RALGAPA1: variants seen among roughly 807,000 people sequenced by gnomAD.
RALGAPA1 encodes the protein Ral GTPase activating protein catalytic subunit alpha 1, also known as ral GTPase-activating protein subunit alpha-1.
Under a neutral mutation model 269.6 loss-of-function variants are expected in RALGAPA1, and 52 were observed. The observed-to-expected ratio is 0.19, with a 90% confidence interval of 0.15 to 0.24. The LOEUF (loss-of-function observed/expected upper bound fraction) is 0.24. Among genes scored for constraint, RALGAPA1 ranks in the 10% least tolerant of loss-of-function variants. The probability of loss-of-function intolerance (pLI) is 1.00; values close to 1 mark genes in which losing one functional copy is unlikely to be tolerated. For missense variants in RALGAPA1, 1,917 were observed against 3,013.9 expected, an observed-to-expected ratio of 0.64 and a Z score of 8.52; for synonymous variants, 817 against 1,008.3, an observed-to-expected ratio of 0.81 and a Z score of 3.60.
Position 35,689,964 on chromosome 14 carries a change from A to G in RALGAPA1, c.2447T>C (p.Val816Ala). The G allele has an allele frequency of 6.3e-7, 1 of 1,598,696 alleles. No individual in the cohort carries two copies. The change falls in exon 18 of 42, where the codon GTC (valine) becomes GCC (alanine). Residue 816 changes from valine (V) to alanine (A), a missense_variant. This residue lies in a region of RALGAPA1 where 125 missense variants were observed against 155.7 expected (regional missense o/e 0.80). Transcript: ENST00000680220. ...TTCTTCACTTTGTGAAAAATGTCTG[A>G]CTCTAGTTGAGCGGGGAAGTATTTG... ...DAQILPRSTR[V>A]RHFSQSEETG...
chr14:35,733,043 G>A (rs72642585), intron 12 of RALGAPA1, among the ~76,000 whole-genome samples: 17,003 of 152,000 alleles, frequency 0.11, 1,570 homozygotes, highest in East Asian at 0.38. Flanking sequence ...AAATTATATC[G>A]AAGCACTCTC....
intron 26 of RALGAPA1, among the ~76,000 whole-genome samples, chr14:35,668,121 T>G (rs2064099290): frequency 1.3e-5 from 2 of 152,142 alleles, no homozygotes; most frequent in Non-Finnish European, 1.5e-5. Context: ...GATAATAGAT[T>G]GGTGGTTACC....
chr14:35,809,033 C>G lies in RALGAPA1; in HGVS notation c.-198G>C, dbSNP rs2077568186. 4 of 1,009,056 alleles carry G rather than the reference C, an allele frequency of 4.0e-6. No homozygotes were observed. The highest frequency in any genetic ancestry group is 5.6e-6 in the Non-Finnish European group (4 of 717,422). The allele number at this position is 1,009,056 out of a possible 1,614,324, so 62.5% of individuals were successfully genotyped here. On this transcript the variant is annotated 5_prime_UTR_variant, in exon 1 of 42. Coordinates refer to ENST00000680220, the MANE Select transcript of RALGAPA1 (RefSeq NM_001346249.2). ...CCTCCACCCGCCTCGCGCCGCGGCT[C>G]CAAGGCACCTTCGGCCCCAGCTCCA...
chr14:35,697,355 GTTTTT>G (rs869139026), intron 17 of RALGAPA1, among the ~76,000 whole-genome samples: 8 of 139,528 alleles, frequency 5.7e-5, no homozygotes, highest in Admixed American at 1.4e-4. Context: ...GTTTTGTTTT[GTTTTT>G]TTTTGAGACG....
At chr14:35,769,685 T>C (rs1201487278) in intron 4 of RALGAPA1, among the ~76,000 whole-genome samples, 1 of 152,144 alleles carries the variant, frequency 6.6e-6, no homozygotes, top group Non-Finnish European at 1.5e-5. Flanking sequence ...TCGAAAGGAT[T>C]ACTCTAAGGA....
At chr14:35,603,558 C>A (rs2059416232) in intron 36 of RALGAPA1, among the ~76,000 whole-genome samples, 1 of 152,100 alleles carries the variant, frequency 6.6e-6, no homozygotes, top group Admixed American at 6.5e-5. Context: ...ATATTTATTG[C>A]AGCTTTATTC....
intron 1 of RALGAPA1, among the ~76,000 whole-genome samples, chr14:35,786,744 C>A (rs1167478412): frequency 1.3e-5 from 2 of 152,114 alleles, no homozygotes; most frequent in African/African-American, 4.8e-5. Flanking sequence ...AAGGTCGAGG[C>A]CTAATATCTT....
intron 1 of RALGAPA1, among the ~76,000 whole-genome samples, chr14:35,797,712 G>A (rs1268599472): frequency 6.6e-6 from 1 of 151,692 alleles, no homozygotes; most frequent in African/African-American, 2.4e-5. Flanking sequence ...GGGAGTGGTG[G>A]CACCTGCCTG....
chr14:35,746,214 T>G (rs1379554102), intron 10 of RALGAPA1, among the ~76,000 whole-genome samples: 1 of 152,100 alleles, frequency 6.6e-6, no homozygotes, highest in Non-Finnish European at 1.5e-5. Flanking sequence ...AAAATCAAAC[T>G]TATAAAAACA....
At chr14:35,766,501 C>A in intron 4 of RALGAPA1, 1 of 1,281,918 alleles carries the variant, frequency 7.8e-7, no homozygotes, top group Non-Finnish European at 1.1e-6. Flanking sequence ...ATTACTTATT[C>A]AATTGTCTGC....
intron 39 of RALGAPA1, among the ~76,000 whole-genome samples, chr14:35,554,347 T>TC: frequency 1.5e-5 from 2 of 129,556 alleles, no homozygotes; most frequent in Non-Finnish European, 3.2e-5. Context: ...TCTTTTTTTT[T>TC]TTTTTTTTTT....
At chr14:35,561,487 C>T (rs533328042) in intron 39 of RALGAPA1, among the ~76,000 whole-genome samples, 1 of 147,998 alleles carries the variant, frequency 6.8e-6, no homozygotes, top group East Asian at 2.0e-4. Flanking sequence ...AATTGTAATG[C>T]CATGTCTTTA....
At chr14:35,803,999 A>C (rs769457254) in intron 1 of RALGAPA1, among the ~76,000 whole-genome samples, 42 of 152,302 alleles carry the variant, frequency 2.8e-4, no homozygotes, top group Middle Eastern at 3.4e-3. Context: ...CAAACTCATC[A>C]AAGAAGTTAT....
intron 12 of RALGAPA1, among the ~76,000 whole-genome samples, chr14:35,735,556 T>C (rs2070903934): frequency 6.6e-6 from 1 of 151,932 alleles, no homozygotes; most frequent in South Asian, 2.1e-4. Context: ...TGGGGACTTG[T>C]GGGAAGGGTA....
chr14:35,779,343 C>T (rs914437139), intron 1 of RALGAPA1, among the ~76,000 whole-genome samples: 3 of 151,782 alleles, frequency 2.0e-5, no homozygotes, highest in Admixed American at 6.6e-5. Flanking sequence ...CTGGGCAACA[C>T]ATTGAGATTC....
intron 1 of RALGAPA1, among the ~76,000 whole-genome samples, chr14:35,791,608 A>G (rs926985951): frequency 4.8e-5 from 7 of 145,506 alleles, no homozygotes; most frequent in Admixed American, 3.4e-4. Context: ...ACTCTGTCTC[A>G]AAAAAAAAAA....
intron 1 of RALGAPA1, among the ~76,000 whole-genome samples, chr14:35,785,716 G>C (rs1248564931): frequency 6.6e-6 from 1 of 152,158 alleles, no homozygotes; most frequent in African/African-American, 2.4e-5. Context: ...CATTTCATAA[G>C]ACAAGTCCAC....
At chr14:35,671,541 A>G in intron 25 of RALGAPA1, 24 bp from the exon 26 acceptor site, 2 of 1,321,084 alleles carry the variant, frequency 1.5e-6, no homozygotes, top group Non-Finnish European at 2.2e-6. Context: ...AAGAAGGAAA[A>G]AAGAATATCA....
At chr14:35,586,485 T>C (rs567608272) in intron 37 of RALGAPA1, among the ~76,000 whole-genome samples, 2 of 152,212 alleles carry the variant, frequency 1.3e-5, no homozygotes, top group African/African-American at 4.8e-5. Flanking sequence ...TCCAACACTA[T>C]GTTGAACAGG....
Sources: allele counts gnomAD v4.1 joint callset (sites outside exome capture counted in the v4.1 genomes callset), GRCh38; gene constraint gnomAD v4.1.1; regional missense constraint gnomAD v4.1.1; transcripts MANE v1.5; gene names NCBI Gene and HGNC (gene_info 2026-07-23, HGNC 2026-07-21).